PRKDC: variants seen among roughly 807,000 people sequenced by gnomAD.
The protein encoded by PRKDC is DNA-dependent protein kinase catalytic subunit.
A neutral mutation model predicts 486.9 loss-of-function variants in PRKDC; 82 were observed. That is an observed-to-expected ratio of 0.17 (90% CI 0.14 to 0.20). PRKDC has a LOEUF of 0.20. PRKDC is among the 10% of genes least tolerant of loss of function. The probability of loss-of-function intolerance (pLI) is 1.00; values close to 1 mark genes in which losing one functional copy is unlikely to be tolerated. For synonymous variants in PRKDC, 1,895 were observed against 1,837.0 expected (o/e 1.03, Z -0.81); for missense variants, 4,504 against 5,038.2 (o/e 0.89, Z 3.21).
chr8:47,862,568 A>G, intron 42 of PRKDC, 27 bp from the exon 43 acceptor site: 1 of 1,567,762 alleles, frequency 6.4e-7, no homozygotes. Context: ...GTGACAAATC[A>G]ATTCACACAA....
At chr8:47,793,962 G>C (rs2154497972) in intron 74 of PRKDC, among the ~76,000 whole-genome samples, 1 of 152,252 alleles carries the variant, frequency 6.6e-6, no homozygotes, top group African/African-American at 2.4e-5. Flanking sequence ...CTAATTAAAA[G>C]GAAGAGTCGT....
chr8:47,877,419 G>A (rs1331751744), intron 40 of PRKDC, among the ~76,000 whole-genome samples: 4 of 152,168 alleles, frequency 2.6e-5, no homozygotes, highest in South Asian at 2.1e-4. Context: ...AAACGACATG[G>A]TGTCACAGAT....
At chr8:47,801,168 C>T (rs1385390815) in intron 70 of PRKDC, among the ~76,000 whole-genome samples, 182 bp from the exon 71 acceptor site, 3 of 152,150 alleles carry the variant, frequency 2.0e-5, no homozygotes, top group Non-Finnish European at 4.4e-5. Flanking sequence ...GCCTACCAGG[C>T]TCAAGCGATC....
chr8:47,863,172 A>G (rs2088716773), intron 42 of PRKDC, among the ~76,000 whole-genome samples: 1 of 152,214 alleles, frequency 6.6e-6, no homozygotes, highest in Admixed American at 6.5e-5. Flanking sequence ...AGTAAAAGGA[A>G]AAAGTTTTAT....
intron 40 of PRKDC, among the ~76,000 whole-genome samples, chr8:47,876,389 G>A (rs1178604252): frequency 6.6e-6 from 1 of 152,000 alleles, no homozygotes; most frequent in African/African-American, 2.4e-5. Context: ...GGGCCAGGCG[G>A]GATGGCTCAC....
chr8:47,843,566 T>C (rs1216753194), intron 54 of PRKDC, among the ~76,000 whole-genome samples: 5 of 152,132 alleles, frequency 3.3e-5, no homozygotes, highest in Admixed American at 2.6e-4. Context: ...TGACATACTA[T>C]ACAAGACCAT....
intron 78 of PRKDC, among the ~76,000 whole-genome samples, chr8:47,783,201 C>T (rs1202512634): frequency 6.6e-6 from 1 of 151,366 alleles, no homozygotes; most frequent in Non-Finnish European, 1.5e-5. Flanking sequence ...TCGCCCGAAC[C>T]CAGGGTGTGG....
intron 60 of PRKDC, among the ~76,000 whole-genome samples, chr8:47,831,233 G>A (rs998207132): frequency 2.0e-5 from 3 of 152,344 alleles, no homozygotes; most frequent in Admixed American, 6.5e-5. Flanking sequence ...GGAGGGGGCC[G>A]GCACAGCGCC....
At chr8:47,778,370 TCC>T in intron 83 of PRKDC, 87 bp downstream of exon 83, 1 of 1,380,664 alleles carries the variant, frequency 7.2e-7, no homozygotes, top group Non-Finnish European at 9.8e-7. Flanking sequence ...ATGTTGTTTT[TCC>T]TTAAAAACTG....
At position 47,854,091 on chromosome 8, in the gene PRKDC, C is replaced by G. The variant is rs770950481; in HGVS notation, c.6885G>C (p.Gln2295His). The change falls in exon 51 of 86, where the codon CAG becomes CAC. Residue 2295 changes from glutamine (Q) to histidine (H), a missense_variant. Physicochemically the swap from Gln to His is conservative, Grantham distance 24 (BLOSUM62 0). This residue lies in a region of PRKDC where 1,592 missense variants were observed against 1,724.6 expected (regional missense o/e 0.92). Coordinates refer to ENST00000314191, the MANE Select transcript of PRKDC (RefSeq NM_006904.7). Reference sequence around the variant, plus strand: ...ATCAAGCAAACACGTACTCGCTACTCTGGATGCCACACTGTGGGTCATAGG... The same window carrying G: ...ATCAAGCAAACACGTACTCGCTACTGTGGATGCCACACTGTGGGTCATAGG... The part of the protein sequence containing the change: ...LPPYDPQCGI[Q>H]SSEYFQALVN... 6.2e-7 allele frequency: 1 copy of G among 1,613,880 alleles called. No homozygotes were observed. The highest frequency in any genetic ancestry group is 1.1e-5 in the South Asian group (1 of 91,056).
intron 56 of PRKDC, among the ~76,000 whole-genome samples, chr8:47,838,211 A>G (rs1394706155): frequency 6.6e-6 from 1 of 152,222 alleles, no homozygotes; most frequent in Non-Finnish European, 1.5e-5. Context: ...AGGTCTTATA[A>G]TTTATGAATG....
In PRKDC at chr8:47,943,968, T is replaced by C; in HGVS notation, c.777+6A>G. On this transcript the variant is annotated splice_donor_region_variant and intron_variant, in intron 8 of 85. Coordinates refer to ENST00000314191, the MANE Select transcript of PRKDC (RefSeq NM_006904.7). ...AGAATAATATTAATAGTAATATTAA[T>C]CCTACCTGAGGACGAATTGCCTTTA... is the stretch of plus-strand genomic sequence containing the variant. 1 of 1,560,824 alleles carries C rather than the reference T, an allele frequency of 6.4e-7. No homozygotes were observed. The highest frequency in any genetic ancestry group is 8.7e-7 in the Non-Finnish European group (1 of 1,149,760).
rs148159570 is a variant in PRKDC, at chr8:47,898,867, C to T, written c.3365-298G>A. Among the ~76,000 whole-genome samples the T allele has an allele frequency of 5.9e-5, 9 of 152,346 alleles. 1 individual carries two copies. Among genetic ancestry groups the T allele is most frequent in the Non-Finnish European group, 1.0e-4 (7 of 68,030 alleles). On this transcript the variant is annotated intron_variant, in intron 28 of 85. Transcript: ENST00000314191. ...ACTAGAAACTGTACCACCAACACCA[C>T]GGCCACCCAAAGCACAGCCTCTCCT... is the stretch of plus-strand genomic sequence containing the variant.
rs1266657112 is a variant in PRKDC, at chr8:47,947,077, CCA to C, written c.722-3050_722-3049del. Among the ~76,000 whole-genome samples, 3 of 152,284 alleles carry C rather than the reference CCA, an allele frequency of 2.0e-5. 1 individual carries two copies. The highest frequency in any genetic ancestry group is 4.1e-4 in the South Asian group (2 of 4,822). On this transcript the variant is annotated intron_variant, in intron 7 of 85. Coordinates refer to ENST00000314191, the MANE Select transcript of PRKDC (RefSeq NM_006904.7). ...TCACCCTGGCCCACTTTGTGTACCT[CCA>C]CACTCTTGACACACCAGCTCTTGTG...
intron 56 of PRKDC, 147 bp downstream of exon 56, chr8:47,839,001 C>A: frequency 1.6e-6 from 1 of 640,198 alleles, no homozygotes; most frequent in Non-Finnish European, 2.7e-6. Flanking sequence ...CTTTAAAATA[C>A]TCTTTTACTA....
intron 54 of PRKDC, 81 bp from the exon 55 acceptor site, chr8:47,840,270 T>C: frequency 8.7e-7 from 1 of 1,155,212 alleles, no homozygotes; most frequent in Non-Finnish European, 1.2e-6. Context: ...AACTTTTTCT[T>C]CTTTGTTTCA....
At chr8:47,930,904 A>G in intron 16 of PRKDC, 117 bp from the exon 17 acceptor site, 1 of 985,680 alleles carries the variant, frequency 1.0e-6, no homozygotes, top group Non-Finnish European at 1.5e-6. Context: ...AGATTGCAAC[A>G]GCGAGAAAGA....
intron 74 of PRKDC, among the ~76,000 whole-genome samples, chr8:47,792,764 TTAAAA>T (rs1188160089): frequency 6.6e-6 from 1 of 152,050 alleles, no homozygotes; most frequent in Non-Finnish European, 1.5e-5. Context: ...AAATTAAAAA[TTAAAA>T]TAAAAAAAGA....
chr8:47,885,879 A>T, intron 36 of PRKDC, 65 bp downstream of exon 36: 1 of 1,510,256 alleles, frequency 6.6e-7, no homozygotes, highest in Non-Finnish European at 9.1e-7. Context: ...GCGAAAGTGC[A>T]AGACTCTGTC....
Sources: allele counts gnomAD v4.1 joint callset (sites outside exome capture counted in the v4.1 genomes callset), GRCh38; gene constraint gnomAD v4.1.1; regional missense constraint gnomAD v4.1.1; transcripts MANE v1.5; gene names NCBI Gene and HGNC (gene_info 2026-07-23, HGNC 2026-07-21).